Variants in AFF3 observed in about 807,000 individuals in gnomAD.
AFF3 encodes the protein ALF transcription elongation factor 3.
A neutral mutation model predicts 129.7 loss-of-function variants in AFF3; 32 were observed. The ratio of observed to expected loss-of-function variants is 0.25; its 90% CI spans 0.19 to 0.33. The LOEUF (loss-of-function observed/expected upper bound fraction) is 0.33, where lower values mean the gene tolerates loss of function less well. Among genes scored for constraint, AFF3 ranks in the 10% least tolerant of loss-of-function variants. The probability of loss-of-function intolerance (pLI) is 1.00; values close to 1 mark genes in which losing one functional copy is unlikely to be tolerated. For missense variants in AFF3, 1,373 were observed against 1,592.0 expected, an observed-to-expected ratio of 0.86 and a Z score of 2.34; for synonymous variants, 644 against 635.4, an observed-to-expected ratio of 1.01 and a Z score of -0.20.
At chr2:99,979,058 T>C (rs1175673835) in intron 7 of AFF3, among the ~76,000 whole-genome samples, 2 of 127,428 alleles carry the variant, frequency 1.6e-5, no homozygotes, top group Non-Finnish European at 3.8e-5. Flanking sequence ...TTCAATAGAA[T>C]AGTCTGTTGA....
At chr2:99,873,497 A>G (rs1181767239) in intron 7 of AFF3, among the ~76,000 whole-genome samples, 1 of 152,232 alleles carries the variant, frequency 6.6e-6, no homozygotes, top group Non-Finnish European at 1.5e-5. Flanking sequence ...TCACTGCCTT[A>G]GGTAGACTCC....
intron 7 of AFF3, among the ~76,000 whole-genome samples, chr2:99,912,879 A>G (rs1318542686): frequency 6.6e-6 from 1 of 152,198 alleles, no homozygotes; most frequent in Non-Finnish European, 1.5e-5. Flanking sequence ...GTCCTTAAAG[A>G]GATTTCAGAG....
At chr2:99,782,194 A>G (rs955441497) in intron 8 of AFF3, among the ~76,000 whole-genome samples, 4 of 152,314 alleles carry the variant, frequency 2.6e-5, no homozygotes, top group Non-Finnish European at 4.4e-5. Context: ...GGGTCCCCAC[A>G]TTGTAATAAC....
chr2:99,761,313 C>T (rs1282339469), intron 8 of AFF3, among the ~76,000 whole-genome samples: 3 of 151,876 alleles, frequency 2.0e-5, no homozygotes, highest in African/African-American at 7.3e-5. Flanking sequence ...TCATAACTGG[C>T]TAACGTTTTC....
intron 11 of AFF3, among the ~76,000 whole-genome samples, chr2:99,682,320 A>C (rs1262280847): frequency 1.3e-5 from 2 of 152,162 alleles, no homozygotes; most frequent in Non-Finnish European, 2.9e-5. Flanking sequence ...CTAATGCATT[A>C]TGTTGGAATT....
intron 13 of AFF3, among the ~76,000 whole-genome samples, chr2:99,634,336 A>G (rs1683416922): frequency 6.6e-6 from 1 of 152,234 alleles, no homozygotes; most frequent in African/African-American, 2.4e-5. Flanking sequence ...ACATGAGGCT[A>G]TGGCAGAGCT....
At chr2:99,687,595 G>A (rs1331400366) in intron 11 of AFF3, among the ~76,000 whole-genome samples, 2 of 152,160 alleles carry the variant, frequency 1.3e-5, no homozygotes, top group Non-Finnish European at 2.9e-5. Flanking sequence ...GAATAAAGAG[G>A]CTGATGAACC....
intron 13 of AFF3, among the ~76,000 whole-genome samples, chr2:99,635,731 T>C (rs1683589969): frequency 1.3e-5 from 2 of 152,162 alleles, no homozygotes; most frequent in Admixed American, 1.3e-4. Context: ...CCCCCTACTG[T>C]GTTCATTAAC....
In AFF3 at chr2:99,551,347, TC is replaced by T; in HGVS notation, c.*126del. The T allele has an allele frequency of 7.6e-7, 1 of 1,321,774 alleles. No individual in the cohort carries two copies. The highest frequency in any genetic ancestry group is 2.3e-5 in the Admixed American group (1 of 43,342). 81.9% of individuals were successfully genotyped at this position (1,321,774 alleles called of 1,614,324 possible). A position where few individuals can be genotyped will look rare whatever the true frequency, so the allele number is the denominator to read the frequency against. On this transcript the variant is annotated 3_prime_UTR_variant, in exon 25 of 25. Transcript: ENST00000672756. ...CACATGCCCTGCAAAAGATCATTGTTCAATGCTGAGGAAATGTTCACCGCAG... is the reference window on the plus strand; with the variant it reads ...CACATGCCCTGCAAAAGATCATTGTTAATGCTGAGGAAATGTTCACCGCAG...
chr2:100,093,920 C>T (rs1335826007), intron 4 of AFF3, among the ~76,000 whole-genome samples: 2 of 152,152 alleles, frequency 1.3e-5, no homozygotes, highest in African/African-American at 4.8e-5. Flanking sequence ...AAACGTGAGA[C>T]CATCTGATTA....
At chr2:100,057,320 CAA>C (rs57672976) in intron 4 of AFF3, among the ~76,000 whole-genome samples, 4 of 55,052 alleles carry the variant, frequency 7.3e-5, no homozygotes, top group African/African-American at 1.4e-4. Flanking sequence ...GACTCTGTCT[CAA>C]AAAAAAAAAA....
chr2:100,104,707 C>T (rs1691092714), intron 3 of AFF3, 189 bp from the exon 4 acceptor site: 1 of 966,414 alleles, frequency 1.0e-6, no homozygotes, highest in Non-Finnish European at 1.2e-6. Context: ...CAAGAGAGAG[C>T]AGCGAGCTCG....
intron 11 of AFF3, among the ~76,000 whole-genome samples, chr2:99,692,990 C>A (rs756095881): frequency 1.3e-5 from 2 of 152,248 alleles, no homozygotes; most frequent in African/African-American, 2.4e-5. Context: ...TCACTCCAGC[C>A]TCGCCCTCTG....
intron 4 of AFF3, among the ~76,000 whole-genome samples, chr2:100,065,494 T>C (rs1403169817): frequency 6.6e-6 from 1 of 152,192 alleles, no homozygotes; most frequent in Non-Finnish European, 1.5e-5. Context: ...CAAAAAGAGA[T>C]GCATAAAATG....
intron 12 of AFF3, among the ~76,000 whole-genome samples, chr2:99,663,209 A>G (rs1031220701): frequency 3.9e-5 from 6 of 152,256 alleles, no homozygotes; most frequent in Non-Finnish European, 8.8e-5. Flanking sequence ...AGCTTCCATT[A>G]CAATTGGCAA....
intron 4 of AFF3, among the ~76,000 whole-genome samples, chr2:100,084,206 G>A (rs919456482): frequency 2.0e-5 from 3 of 152,150 alleles, no homozygotes; most frequent in African/African-American, 4.8e-5. Context: ...AACACTCGGC[G>A]ACCACATGCT....
chr2:100,007,149 T>G lies in AFF3; in HGVS notation c.486A>C (p.Ala162=). Residue 162 remains alanine (A), a splice_region_variant and synonymous_variant, in exon 6 of 25, where the codon GCA becomes GCC. Transcript: ENST00000672756. ...GHPPSDGQQR[A]TQQGSLRTLL... The stretch of plus-strand genomic sequence containing the variant: ...CAAGCAACCTGTGCCTGTGCTTACT[T>G]GCTCTCTGTTGGCCGTCAGAGGGTG... 6.2e-7 allele frequency: 1 copy of G among 1,613,998 alleles called. No individual in the cohort carries two copies. The highest frequency in any genetic ancestry group is 8.5e-7 in the Non-Finnish European group (1 of 1,179,896).
intron 11 of AFF3, among the ~76,000 whole-genome samples, chr2:99,688,886 A>G (rs919587734): frequency 3.3e-5 from 5 of 151,976 alleles, no homozygotes; most frequent in Non-Finnish European, 5.9e-5. Flanking sequence ...ACCACACAAT[A>G]CATGTTTGTT....
At chr2:100,016,686 A>ATGG (rs1203820766) in intron 4 of AFF3, among the ~76,000 whole-genome samples, 1 of 135,596 alleles carries the variant, frequency 7.4e-6, no homozygotes, top group Non-Finnish European at 1.6e-5. Context: ...ACTGGCAGTG[A>ATGG]TGGTGGTGGT....
Sources: gnomAD v4.1 joint callset for allele counts (sites outside exome capture counted in the v4.1 genomes callset) on GRCh38, gnomAD v4.1.1 for gene constraint, MANE v1.5 for transcripts, NCBI Gene and HGNC (gene_info 2026-07-23, HGNC 2026-07-21) for gene names.